CDYL2: variants seen among roughly 807,000 people sequenced by gnomAD.
CDYL2 encodes the protein chromodomain Y like 2, also known as chromodomain Y-like protein 2.
Under a neutral mutation model 49.4 loss-of-function variants are expected in CDYL2, and 23 were observed. The observed-to-expected ratio is 0.47, with a 90% CI of 0.34 to 0.66. The LOEUF (loss-of-function observed/expected upper bound fraction) is 0.66, where lower values mean the gene tolerates loss of function less well. CDYL2 is among the 30% of genes least tolerant of loss of function. The probability of loss-of-function intolerance (pLI) is 0.01; values close to 1 mark genes in which losing one functional copy is unlikely to be tolerated. For synonymous variants in CDYL2, 360 were observed against 268.8 expected (o/e 1.34, Z -3.32); for missense variants, 678 against 656.4 (o/e 1.03, Z -0.36).
chr16:80,713,412 G>T (rs1474086995), intron 1 of CDYL2, among the ~76,000 whole-genome samples: 1 of 152,078 alleles, frequency 6.6e-6, no homozygotes, highest in East Asian at 1.9e-4. Flanking sequence ...TAAATCAAAT[G>T]GCCTTTCAGA....
At chr16:80,763,695 T>C in intron 1 of CDYL2, among the ~76,000 whole-genome samples, 1 of 152,138 alleles carries the variant, frequency 6.6e-6, no homozygotes, top group East Asian at 1.9e-4. Flanking sequence ...ATCAAGCCAC[T>C]TTAAAAGTGA....
At chr16:80,619,546 T>C (rs1226327271) in intron 4 of CDYL2, among the ~76,000 whole-genome samples, 2 of 152,192 alleles carry the variant, frequency 1.3e-5, no homozygotes, top group Non-Finnish European at 2.9e-5. Flanking sequence ...GGTGGCCTCA[T>C]GCATGACGAG....
intron 1 of CDYL2, among the ~76,000 whole-genome samples, chr16:80,701,172 A>G (rs1240170006): frequency 6.6e-6 from 1 of 152,260 alleles, no homozygotes; most frequent in Non-Finnish European, 1.5e-5. Flanking sequence ...GGACTCTATC[A>G]AAGTAGAACC....
At chr16:80,650,426 G>A (rs145684121) in intron 2 of CDYL2, among the ~76,000 whole-genome samples, 1,548 of 152,142 alleles carry the variant, frequency 0.01, 25 homozygotes, top group African/African-American at 0.035. Flanking sequence ...TCATCTCACC[G>A]CATTTTATGT....
intron 2 of CDYL2, among the ~76,000 whole-genome samples, chr16:80,634,504 G>T (rs1907727610): frequency 6.6e-6 from 1 of 152,100 alleles, no homozygotes; most frequent in African/African-American, 2.4e-5. Flanking sequence ...CGTGGGGTGG[G>T]GACATGGGTG....
intron 2 of CDYL2, among the ~76,000 whole-genome samples, chr16:80,634,254 C>T (rs1907712080): frequency 6.6e-6 from 1 of 152,152 alleles, no homozygotes; most frequent in African/African-American, 2.4e-5. Context: ...CCCAAATGTC[C>T]ATCAGTGATA....
chr16:80,613,860 C>T (rs779565686), intron 4 of CDYL2, among the ~76,000 whole-genome samples: 26 of 152,318 alleles, frequency 1.7e-4, no homozygotes, highest in Non-Finnish European at 2.9e-4. Flanking sequence ...ATGCCCATTA[C>T]GTTGGTCTGA....
chr16:80,615,220 T>C (rs1250330566), intron 4 of CDYL2, among the ~76,000 whole-genome samples: 1 of 152,162 alleles, frequency 6.6e-6, no homozygotes, highest in East Asian at 1.9e-4. Context: ...CTGACATCAC[T>C]CACTTCCTAA....
chr16:80,730,492 G>C (rs995014960), intron 1 of CDYL2, among the ~76,000 whole-genome samples: 5 of 152,098 alleles, frequency 3.3e-5, no homozygotes, highest in African/African-American at 1.2e-4. Context: ...TCCAGGACCA[G>C]ATGGATTCAC....
rs769887805 is a variant in CDYL2 at position 80,601,264 on chromosome 16, T to G, written c.*3124A>C. On this transcript the variant is annotated 3_prime_UTR_variant, in exon 7 of 7. Coordinates refer to ENST00000570137, the MANE Select transcript of CDYL2 (RefSeq NM_152342.4). ...GCTGAGAGTGAGCCATCACCGGGGT[T>G]GGGGCAGAGAGGGAAGGAGAGTTCC... 5 of 152,176 alleles carry G rather than the reference T, an allele frequency of 3.3e-5. No homozygotes were observed. Among genetic ancestry groups the G allele is most frequent in the Non-Finnish European group, 7.3e-5 (5 of 68,066 alleles). 9.4% of individuals were successfully genotyped at this position (152,176 alleles called of 1,614,324 possible).
At chr16:80,790,639 G>C (rs114574313) in intron 1 of CDYL2, among the ~76,000 whole-genome samples, 3,238 of 152,264 alleles carry the variant, frequency 0.021, 101 homozygotes, top group African/African-American at 0.071. Flanking sequence ...CCTTCTTAAA[G>C]TTACAGGTGC....
chr16:80,671,229 G>A (rs758270800), intron 2 of CDYL2, among the ~76,000 whole-genome samples: 5 of 152,178 alleles, frequency 3.3e-5, no homozygotes, highest in African/African-American at 4.8e-5. Flanking sequence ...TCTATCAGCC[G>A]AGCTGCCCAG....
At chr16:80,704,695 G>T (rs1383892552) in intron 1 of CDYL2, among the ~76,000 whole-genome samples, 1 of 152,216 alleles carries the variant, frequency 6.6e-6, no homozygotes, top group Non-Finnish European at 1.5e-5. Flanking sequence ...AGCTCAGGGA[G>T]AAGGCAGTTC....
chr16:80,801,786 A>T (rs1263109200), intron 1 of CDYL2, among the ~76,000 whole-genome samples: 1 of 152,246 alleles, frequency 6.6e-6, no homozygotes, highest in East Asian at 1.9e-4. Context: ...CTTTACAGTC[A>T]GAAATATATA....
Position 80,639,798 on chromosome 16 carries a change from G to A in CDYL2, c.617-6562C>T, listed in dbSNP as rs142298674. The stretch of plus-strand genomic sequence containing the variant: ...AGTGTGGTATGGAAAGCACGTTTGT[G>A]CACTGTGGAAAGGGAGAGTGTAGCA... On this transcript the variant is annotated intron_variant, in intron 2 of 6. Coordinates refer to ENST00000570137, the MANE Select transcript of CDYL2 (RefSeq NM_152342.4). 5.9e-4 allele frequency: 268 copies of A among 451,048 alleles called. 1 individual carries two copies. Among genetic ancestry groups the A allele is most frequent in the Non-Finnish European group, 9.5e-4 (215 of 225,242 alleles). 27.9% of individuals were successfully genotyped at this position (451,048 alleles called of 1,614,324 possible).
At chr16:80,777,846 A>C (rs1324560850) in intron 1 of CDYL2, among the ~76,000 whole-genome samples, 1 of 152,154 alleles carries the variant, frequency 6.6e-6, no homozygotes, top group Non-Finnish European at 1.5e-5. Context: ...TCATGAAACC[A>C]GCATTAATTT....
intron 1 of CDYL2, among the ~76,000 whole-genome samples, chr16:80,730,506 C>T (rs890497674): frequency 3.0e-4 from 46 of 152,066 alleles, no homozygotes; most frequent in African/African-American, 8.0e-4. Flanking sequence ...GATTCACAGC[C>T]GAATTCTACC....
At chr16:80,628,941 G>C (rs1004979426) in intron 3 of CDYL2, among the ~76,000 whole-genome samples, 1 of 152,176 alleles carries the variant, frequency 6.6e-6, no homozygotes, top group Admixed American at 6.5e-5. Context: ...ACTGAGACCT[G>C]AAGGAAGAGC....
intron 1 of CDYL2, among the ~76,000 whole-genome samples, chr16:80,729,638 CAGAAT>C (rs1281612840): frequency 6.6e-6 from 1 of 152,172 alleles, no homozygotes; most frequent in African/African-American, 2.4e-5. Context: ...CCCAAATCAA[CAGAAT>C]ATACATTTTT....
Sources: allele counts gnomAD v4.1 joint callset (sites outside exome capture counted in the v4.1 genomes callset), GRCh38; gene constraint gnomAD v4.1.1; transcripts MANE v1.5; gene names NCBI Gene and HGNC (gene_info 2026-07-23, HGNC 2026-07-21).